Variants in MTF2 observed in about 807,000 individuals in gnomAD.
The protein encoded by MTF2 is metal-response element-binding transcription factor 2.
MTF2 carries 11 observed loss-of-function variants against 79.5 expected under a neutral mutation model. The observed-to-expected ratio is 0.14, with a 90% confidence interval of 0.09 to 0.23. The LOEUF (loss-of-function observed/expected upper bound fraction) is 0.23, where lower values mean the gene tolerates loss of function less well. Ranked by LOEUF, MTF2 falls within the 10% of genes least tolerant of loss-of-function variation. MTF2 has a pLI of 1.00. For synonymous variants in MTF2, 208 were observed against 232.8 expected (o/e 0.89, Z 0.97); for missense variants, 486 against 711.2 (o/e 0.68, Z 3.60).
Position 93,114,578 on chromosome 1 carries a change from A to G in MTF2, c.287-110A>G, listed in dbSNP as rs117922211. 1,067 of 665,582 alleles carry G rather than the reference A, an allele frequency of 1.6e-3. 19 individuals carry two copies. In the East Asian group the frequency reaches 0.024, roughly 15 times the overall value. The allele number at this position is 665,582 out of a possible 1,614,324, so 41.2% of individuals were successfully genotyped here. On this transcript the variant is annotated intron_variant, in intron 3 of 14. Coordinates refer to ENST00000370298, the MANE Select transcript of MTF2 (RefSeq NM_007358.4). ...GTACTTTGTCTTGTGAAGCATTATG[A>G]TGTACTTAGCAAACATTGCGCATAT...
At chr1:93,090,435 T>C (rs2749734) in intron 1 of MTF2, among the ~76,000 whole-genome samples, 116,126 of 147,644 alleles carry the variant, frequency 0.79, 48,598 homozygotes, top group East Asian at 0.93. Flanking sequence ...TTAGTAGAGA[T>C]GGGGGTTTCT....
intron 9 of MTF2, among the ~76,000 whole-genome samples, chr1:93,126,516 AG>A (rs1656704652): frequency 6.6e-6 from 1 of 151,752 alleles, no homozygotes; most frequent in Non-Finnish European, 1.5e-5. Flanking sequence ...GCATTAATTC[AG>A]GATGGTCCTT....
intron 9 of MTF2, among the ~76,000 whole-genome samples, chr1:93,123,309 A>G (rs1287537868): frequency 6.9e-6 from 1 of 144,884 alleles, no homozygotes; most frequent in Non-Finnish European, 1.5e-5. Context: ...GTGCAATGGT[A>G]CAGTCATACA....
chr1:93,097,055 C>T (rs1056074798), intron 1 of MTF2, among the ~76,000 whole-genome samples: 1 of 151,966 alleles, frequency 6.6e-6, no homozygotes, highest in African/African-American at 2.4e-5. Flanking sequence ...AATGATCTGC[C>T]CACCTTGGCC....
Position 93,089,571 on chromosome 1 carries a change from T to C in MTF2, c.5+10040T>C, listed in dbSNP as rs532093044. On this transcript the variant is annotated intron_variant, in intron 1 of 14. Coordinates refer to ENST00000370298, the MANE Select transcript of MTF2 (RefSeq NM_007358.4). ...TTCTGCCTTTAAAAAAAAAGAAAGA[T>C]GGAGCCTCTCAAGAGTGCAGTGGTA... Among the ~76,000 whole-genome samples the C allele has an allele frequency of 2.5e-4, 38 of 152,140 alleles. 1 individual carries two copies. The highest frequency in any genetic ancestry group is 1.9e-3 in the Admixed American group (29 of 15,266).
At chr1:93,082,659 C>T (rs1044304686) in intron 1 of MTF2, among the ~76,000 whole-genome samples, 1 of 152,012 alleles carries the variant, frequency 6.6e-6, no homozygotes, top group Non-Finnish European at 1.5e-5. Context: ...CTTAACTGTA[C>T]AGTTGTTAAT....
chr1:93,124,136 T>C (rs1263365548), intron 9 of MTF2, among the ~76,000 whole-genome samples: 1 of 152,112 alleles, frequency 6.6e-6, no homozygotes, highest in Admixed American at 6.5e-5. Flanking sequence ...TTTTAGAAGA[T>C]AATGGTAGTA....
At chr1:93,085,639 A>G (rs1654806270) in intron 1 of MTF2, among the ~76,000 whole-genome samples, 1 of 152,022 alleles carries the variant, frequency 6.6e-6, no homozygotes, top group Non-Finnish European at 1.5e-5. Flanking sequence ...AGTGCATGCC[A>G]CCACACCTGG....
chr1:93,117,705 C>G (rs935390631), intron 6 of MTF2, among the ~76,000 whole-genome samples: 1 of 152,162 alleles, frequency 6.6e-6, no homozygotes. Flanking sequence ...AATCTGACCT[C>G]TCCTGGGGTT....
chr1:93,091,812 T>G (rs1655084668), intron 1 of MTF2, among the ~76,000 whole-genome samples: 1 of 152,212 alleles, frequency 6.6e-6, no homozygotes, highest in Non-Finnish European at 1.5e-5. Flanking sequence ...GGACTTGAGT[T>G]GAGAACCACT....
intron 1 of MTF2, among the ~76,000 whole-genome samples, chr1:93,103,849 A>T (rs1336638322): frequency 6.6e-6 from 1 of 152,200 alleles, no homozygotes; most frequent in South Asian, 2.1e-4. Flanking sequence ...TTGAGTTGTG[A>T]CATTATGGGT....
rs1432070573 is a variant in MTF2 at position 93,115,517 on chromosome 1, C to T, written c.531C>T (p.Val177=). Residue 177 remains valine, a synonymous_variant, in exon 6 of 15, where the codon GTC becomes GTT. Coordinates refer to ENST00000370298, the MANE Select transcript of MTF2 (RefSeq NM_007358.4). ...GACCAAATGCCAAAGCATTGCAAGT[C>T]ATGAAGCAGACATTACCCTATAGTG... ...KKGPNAKALQ[V]MKQTLPYSVA... is the part of the protein sequence containing the mutation. 1.2e-6 allele frequency: 2 copies of T among 1,610,772 alleles called. No homozygotes were observed. The highest frequency in any genetic ancestry group is 1.1e-5 in the South Asian group (1 of 90,492).
intron 1 of MTF2, among the ~76,000 whole-genome samples, chr1:93,080,809 T>G (rs2101007149): frequency 6.6e-6 from 1 of 151,772 alleles, no homozygotes; most frequent in Admixed American, 6.6e-5. Context: ...TAGTTGTATG[T>G]AGAAGTAGTT....
chr1:93,110,081 G>A (rs1655968201), intron 1 of MTF2, 149 bp from the exon 2 acceptor site: 1 of 731,396 alleles, frequency 1.4e-6, no homozygotes, highest in Admixed American at 2.9e-5. Context: ...GCTTTGTTTG[G>A]AGAGTATTTA....
intron 3 of MTF2, among the ~76,000 whole-genome samples, chr1:93,113,383 G>C (rs1175938656): frequency 1.3e-5 from 2 of 151,680 alleles, no homozygotes; most frequent in Non-Finnish European, 2.9e-5. Context: ...CTATCTGAGG[G>C]GAAAAATAAA....
intron 1 of MTF2, among the ~76,000 whole-genome samples, chr1:93,096,901 C>T (rs1390320352): frequency 3.4e-5 from 5 of 148,864 alleles, no homozygotes; most frequent in Non-Finnish European, 5.9e-5. Context: ...GCCTTAATCT[C>T]CTGGGCTCAA....
At chr1:93,117,991 C>G (rs923271947) in intron 6 of MTF2, among the ~76,000 whole-genome samples, 1 of 152,088 alleles carries the variant, frequency 6.6e-6, no homozygotes, top group African/African-American at 2.4e-5. Context: ...CTGCTGCACT[C>G]CAGCCTGGAC....
rs201127317 is a variant in MTF2 at position 93,114,817 on chromosome 1, C to T, written c.382+34C>T. ...TGATTTCTTTTAATCTTGTTACATA[C>T]TGAATGACTATGTTGAAGATTAATG... On this transcript the variant is annotated intron_variant, in intron 4 of 14. Transcript: ENST00000370298. 30 of 1,490,076 alleles carry T rather than the reference C, an allele frequency of 2.0e-5. No individual in the cohort carries two copies. The Admixed American group carries it at 3.1e-4, about 15-fold the overall frequency. The allele number at this position is 1,490,076 out of a possible 1,614,324, so 92.3% of individuals were successfully genotyped here. A position where few individuals can be genotyped will look rare whatever the true frequency, so the allele number is the denominator to read the frequency against.
intron 1 of MTF2, among the ~76,000 whole-genome samples, chr1:93,090,651 G>A (rs560654226): frequency 6.7e-6 from 1 of 150,338 alleles, no homozygotes; most frequent in South Asian, 2.1e-4. Flanking sequence ...TCTTGGTTAC[G>A]TTATTTTTCC....
Sources: gnomAD v4.1 joint callset for allele counts (sites outside exome capture counted in the v4.1 genomes callset) on GRCh38, gnomAD v4.1.1 for gene constraint, MANE v1.5 for transcripts, NCBI Gene and HGNC (gene_info 2026-07-23, HGNC 2026-07-21) for gene names.